VSIG8: variants seen among roughly 807,000 people sequenced by gnomAD.
The protein encoded by VSIG8 is V-set and immunoglobulin domain-containing protein 8.
In VSIG8, 32 loss-of-function variants were observed where a neutral mutation model predicts 42.6. The observed-to-expected ratio is 0.75, with a 90% confidence interval of 0.57 to 1.01. The LOEUF (loss-of-function observed/expected upper bound fraction) is 1.01. Among genes scored for constraint, VSIG8 ranks in the 50% least tolerant of loss-of-function variants. The pLI, the probability that VSIG8 is intolerant of heterozygous loss-of-function variation, is 0.00. For missense variants in VSIG8, 529 were observed against 558.0 expected (o/e 0.95, Z 0.52); for synonymous variants, 290 against 243.8 (o/e 1.19, Z -1.77).
chr1:159,854,472 G>T lies in VSIG8; in HGVS notation c.*281C>A. On this transcript the variant is annotated 3_prime_UTR_variant, in exon 7 of 7. Transcript: ENST00000368100. ...AGGCCTCCGGCCTCAGCCGCTCTAG[G>T]ACACTCAGCCTCCTCCTCCCTCCCT... 1 of 547,430 alleles carries T rather than the reference G, an allele frequency of 1.8e-6. No individual in the cohort carries two copies. Among genetic ancestry groups the T allele is most frequent in the Non-Finnish European group, 2.8e-6 (1 of 352,930 alleles). The allele number at this position is 547,430 out of a possible 1,614,324, so 33.9% of individuals were successfully genotyped here.
rs1378703737 is a variant in VSIG8 at position 159,856,069 on chromosome 1, A to G, written c.785T>C (p.Ile262Thr). The change falls in exon 6 of 7, where the codon ATA becomes ACA. Residue 262 changes from isoleucine (I) to threonine (T), a missense_variant. By Grantham distance (89) the Ile-to-Thr change is moderately conservative (BLOSUM62 -1). Coordinates refer to ENST00000368100, the MANE Select transcript of VSIG8 (RefSeq NM_001013661.1). ...CAGGACGATGCCGATGATCACGCCT[A>G]TACGCCGGGAGTCTGTGGAGAGAAG... ...VEVKVSDSRR[I>T]GVIIGIVLGS... 1.2e-6 allele frequency: 2 copies of G among 1,611,686 alleles called. No homozygotes were observed. The highest frequency in any genetic ancestry group is 1.3e-5 in the African/African-American group (1 of 75,006).
chr1:159,855,768 G>T, intron 6 of VSIG8, 115 bp downstream of exon 6: 1 of 1,408,238 alleles, frequency 7.1e-7, no homozygotes. Context: ...ACTCCGTGGC[G>T]ATGGCGGGCA....
At chr1:159,858,373 C>T (rs1648914762) in intron 2 of VSIG8, 82 bp from the exon 3 acceptor site, 6 of 1,363,334 alleles carry the variant, frequency 4.4e-6, no homozygotes, top group South Asian at 1.2e-5. Context: ...GGGCAATTCA[C>T]TGAACTTCTC....
intron 1 of VSIG8, among the ~76,000 whole-genome samples, chr1:159,859,888 C>G (rs1648968078): frequency 6.6e-6 from 1 of 152,018 alleles, no homozygotes; most frequent in Admixed American, 6.5e-5. Context: ...GACCCAGGAG[C>G]TCAGGACTGA....
chr1:159,855,817 G>A, intron 6 of VSIG8, 66 bp downstream of exon 6: 2 of 1,481,420 alleles, frequency 1.4e-6, no homozygotes, highest in Non-Finnish European at 1.8e-6. Flanking sequence ...GTGGCAGGCA[G>A]GAGTGAGGTG....
At chr1:159,858,056 A>G (rs747439868) in intron 3 of VSIG8, 34 bp downstream of exon 3, 5 of 1,613,872 alleles carry the variant, frequency 3.1e-6, no homozygotes, top group South Asian at 1.1e-5. Context: ...CTCTTAAGCC[A>G]GGGGGAGAGG....
rs753341544 is a variant in VSIG8, at chr1:159,858,109, C to T, written c.411G>A (p.Lys137=). The T allele has an allele frequency of 4.3e-5, 69 of 1,614,118 alleles. No individual in the cohort carries two copies. The highest frequency in any genetic ancestry group is 5.3e-5 in the Non-Finnish European group (62 of 1,180,046). ...RVKKTTMATR[K]VIVTVQARPA... ...CCATACCTTGGACAGTGACAATGAC[C>T]TTCCGGGTGGCCATGGTGGTCTTCT... is the stretch of plus-strand genomic sequence containing the variant. Residue 137 remains lysine (K), a synonymous_variant, in exon 3 of 7, where the codon AAG becomes AAA. Transcript: ENST00000368100.
At chr1:159,855,608 C>T (rs1557902568) in intron 6 of VSIG8, 1 of 984,040 alleles carries the variant, frequency 1.0e-6, no homozygotes, top group Non-Finnish European at 1.2e-6. Flanking sequence ...AACATAGGCC[C>T]TGCCCTCCAG....
rs940713212 is a variant in VSIG8 at position 159,854,378 on chromosome 1, A to C, written c.*375T>G. 6 of 234,036 alleles carry C rather than the reference A, an allele frequency of 2.6e-5. No homozygotes were observed. Among genetic ancestry groups the C allele is most frequent in the South Asian group, 1.2e-4 (1 of 8,006 alleles). 14.5% of individuals were successfully genotyped at this position (234,036 alleles called of 1,614,324 possible). ...GCCTCAGAGCTCAGACCTCACACAC[A>C]GAACAATTCGTCCAGACAGACCCCC... On this transcript the variant is annotated 3_prime_UTR_variant, in exon 7 of 7. Transcript: ENST00000368100.
Position 159,854,979 on chromosome 1 carries a change from C to A in VSIG8, c.1019G>T (p.Arg340Leu). The change falls in exon 7 of 7, where the codon CGC (arginine) becomes CTC (leucine). Residue 340 changes from arginine (R) to leucine (L), a missense_variant. Coordinates refer to ENST00000368100, the MANE Select transcript of VSIG8 (RefSeq NM_001013661.1). Reference sequence around the variant, plus strand: ...CGGGTACCCCAGGAGGTGGGTGACGCGGCTGCCGCGCCCGCTGGCCTTGCA... The same window carrying A: ...CGGGTACCCCAGGAGGTGGGTGACGAGGCTGCCGCGCCCGCTGGCCTTGCA... ...PGCKASGRGS[R>L]VTHLLGYPTQ... 2 of 1,553,958 alleles carry A rather than the reference C, an allele frequency of 1.3e-6. No individual in the cohort carries two copies. The highest frequency in any genetic ancestry group is 8.6e-7 in the Non-Finnish European group (1 of 1,156,512).
At chr1:159,861,381 G>T (rs1203079379) in intron 1 of VSIG8, 1 of 152,088 alleles carries the variant, frequency 6.6e-6, no homozygotes, top group African/African-American at 2.4e-5. Flanking sequence ...GGGAGAAAAG[G>T]CGGCTCCAGC....
Position 159,855,967 on chromosome 1 carries a change from G to T in VSIG8, c.887C>A (p.Ala296Asp). ...GCCGAAGGCACCGCGGGCGCCGCCA[G>T]CCCCGGAGCCCCCGCAGCAGCAGCA... ...LVCCCCGGSG[A>D]GGARGAFGYG... is the part of the protein sequence containing the mutation. Residue 296 changes from alanine to aspartate, a missense_variant, in exon 6 of 7, where the codon GCT (alanine) becomes GAT (aspartate). Physicochemically the swap from Ala to Asp is moderately radical, Grantham distance 126. Transcript: ENST00000368100. 6.3e-7 allele frequency: 1 copy of T among 1,591,130 alleles called. No homozygotes were observed. The highest frequency in any genetic ancestry group is 8.6e-7 in the Non-Finnish European group (1 of 1,169,414).
Position 159,856,050 on chromosome 1 carries a change from G to T in VSIG8, c.804C>A (p.Ile268=). 6.2e-7 allele frequency: 1 copy of T among 1,612,320 alleles called. No individual in the cohort carries two copies. ...DSRRIGVIIG[I]VLGSLLALGC... ...CCAGCGCGAGCAGAGAGCCCAGGAC[G>T]ATGCCGATGATCACGCCTATACGCC... Residue 268 remains isoleucine, a synonymous_variant, in exon 6 of 7, where the codon ATC becomes ATA. Coordinates refer to ENST00000368100, the MANE Select transcript of VSIG8 (RefSeq NM_001013661.1).
intron 6 of VSIG8, chr1:159,855,273 G>T: frequency 6.5e-7 from 1 of 1,549,926 alleles, no homozygotes; most frequent in Non-Finnish European, 8.7e-7. Context: ...TATCTGGAGA[G>T]CCCTGCAGGC....
At chr1:159,861,732 G>A (rs561707452) in intron 1 of VSIG8, 1 of 152,416 alleles carries the variant, frequency 6.6e-6, no homozygotes, top group Non-Finnish European at 1.5e-5. Flanking sequence ...TGTTGGCATA[G>A]AATGCCCCTT....
Position 159,854,472 on chromosome 1 carries a change from G to C in VSIG8, c.*281C>G, listed in dbSNP as rs1206759697. On this transcript the variant is annotated 3_prime_UTR_variant, in exon 7 of 7. Transcript: ENST00000368100. ...AGGCCTCCGGCCTCAGCCGCTCTAGGACACTCAGCCTCCTCCTCCCTCCCT... is the reference window on the plus strand; with the variant it reads ...AGGCCTCCGGCCTCAGCCGCTCTAGCACACTCAGCCTCCTCCTCCCTCCCT... 1.8e-6 allele frequency: 1 copy of C among 547,430 alleles called. No individual in the cohort carries two copies. Among genetic ancestry groups the C allele is most frequent in the East Asian group, 4.0e-5 (1 of 25,096 alleles). The allele number at this position is 547,430 out of a possible 1,614,324, so 33.9% of individuals were successfully genotyped here.
At chr1:159,861,790 G>C (rs919484882) in intron 1 of VSIG8, 1 of 152,270 alleles carries the variant, frequency 6.6e-6, no homozygotes, top group African/African-American at 2.4e-5. Flanking sequence ...GTCCAAACTT[G>C]AGCCCTGCCC....
chr1:159,856,498 C>A (rs201686462), intron 5 of VSIG8, 26 bp downstream of exon 5: 2 of 1,612,174 alleles, frequency 1.2e-6, no homozygotes, highest in East Asian at 2.2e-5. Context: ...TCCCAACCAC[C>A]CAGCCCTCAA....
chr1:159,857,892 C>T lies in VSIG8; in HGVS notation c.505G>A (p.Ala169Thr). 1 of 1,614,242 alleles carries T rather than the reference C, an allele frequency of 6.2e-7. No homozygotes were observed. Among genetic ancestry groups the T allele is most frequent in the Admixed American group, 1.7e-5 (1 of 60,038 alleles). The change falls in exon 4 of 7, where the codon GCC becomes ACC. Residue 169 changes from alanine (A) to threonine (T), a missense_variant. Coordinates refer to ENST00000368100, the MANE Select transcript of VSIG8 (RefSeq NM_001013661.1). The stretch of plus-strand genomic sequence containing the variant: ...GAGAGGGGCTGGGAGCCCCCACTGG[C>T]ATAGCACTTCAGCACCACATCGTTG... ...YGNDVVLKCY[A>T]SGGSQPLSYK... is the part of the protein sequence containing the mutation.
Sources: allele counts gnomAD v4.1 joint callset (sites outside exome capture counted in the v4.1 genomes callset), GRCh38; gene constraint gnomAD v4.1.1; transcripts MANE v1.5; gene names NCBI Gene and HGNC (gene_info 2026-07-23, HGNC 2026-07-21).